Variants in MBNL2 observed in about 807,000 individuals in gnomAD.
MBNL2 encodes the protein muscleblind like splicing regulator 2.
MBNL2 carries 17 observed loss-of-function variants against 41.9 expected under a neutral mutation model. That is an observed-to-expected ratio of 0.41 (90% CI 0.28 to 0.61). The LOEUF (loss-of-function observed/expected upper bound fraction) is 0.61, where lower values mean the gene tolerates loss of function less well. Ranked by LOEUF, MBNL2 falls within the 20% of genes least tolerant of loss-of-function variation. The probability of loss-of-function intolerance (pLI) is 0.35; values close to 1 mark genes in which losing one functional copy is unlikely to be tolerated. For missense variants in MBNL2, 336 were observed against 505.6 expected (o/e 0.66, Z 3.22); for synonymous variants, 195 against 182.9 (o/e 1.07, Z -0.53).
chr13:97,347,722 G>C (rs2062017590), intron 5 of MBNL2, among the ~76,000 whole-genome samples: 1 of 152,132 alleles, frequency 6.6e-6, no homozygotes, highest in South Asian at 2.1e-4. Flanking sequence ...ACTGTCATTA[G>C]AGACCAGCAG....
intron 2 of MBNL2, among the ~76,000 whole-genome samples, chr13:97,301,702 C>G (rs1024273388): frequency 1.3e-5 from 2 of 152,208 alleles, no homozygotes; most frequent in Non-Finnish European, 2.9e-5. Context: ...AGAAACCCCA[C>G]AAGTCAGTCC....
At position 97,276,136 on chromosome 13, in the gene MBNL2, T is replaced by A. The variant is rs2052089704; in HGVS notation, c.-100T>A. On this transcript the variant is annotated 5_prime_UTR_variant, in exon 2 of 9. Transcript: ENST00000679496. Reference sequence around the variant, plus strand: ...AGCAATTTATCACTCACCTTCAGACTTACATGTGGGAGTTTTCACAACAGT... The same window carrying A: ...AGCAATTTATCACTCACCTTCAGACATACATGTGGGAGTTTTCACAACAGT... 7 of 886,244 alleles carry A rather than the reference T, an allele frequency of 7.9e-6. No individual in the cohort carries two copies. In the Admixed American group the frequency reaches 1.4e-4, roughly 18 times the overall value. 54.9% of individuals were successfully genotyped at this position (886,244 alleles called of 1,614,324 possible).
At chr13:97,274,867 C>A (rs555515574) in intron 1 of MBNL2, among the ~76,000 whole-genome samples, 1 of 152,286 alleles carries the variant, frequency 6.6e-6, no homozygotes, top group South Asian at 2.1e-4. Context: ...TACTACAGAG[C>A]GTTTTTAGAT....
chr13:97,263,903 G>A (rs2049168190), intron 1 of MBNL2, among the ~76,000 whole-genome samples: 1 of 151,088 alleles, frequency 6.6e-6, no homozygotes, highest in African/African-American at 2.4e-5. Context: ...CAGGTGTGAG[G>A]CACTGTGCCC....
chr13:97,252,240 A>AAATTGTTTT (rs1251662528), intron 1 of MBNL2, among the ~76,000 whole-genome samples: 1 of 152,214 alleles, frequency 6.6e-6, no homozygotes, highest in Non-Finnish European at 1.5e-5. Flanking sequence ...CCATAATAAC[A>AAATTGTTTT]AATTGTTTTA....
chr13:97,392,970 ATTTG>A lies in MBNL2; in HGVS notation c.*1526_*1529del, dbSNP rs1477630016. 3 of 152,456 alleles carry A rather than the reference ATTTG, an allele frequency of 2.0e-5. No individual in the cohort carries two copies. Among genetic ancestry groups the A allele is most frequent in the East Asian group, 1.9e-4 (1 of 5,200 alleles). The allele number at this position is 152,456 out of a possible 1,614,324, so 9.4% of individuals were successfully genotyped here. A position where few individuals can be genotyped will look rare whatever the true frequency, so the allele number is the denominator to read the frequency against. ...AACTAGATGCACCAACCGTATCATT[ATTTG>A]TTTGAGGAAAAAAAGAAATCTGCAT... On this transcript the variant is annotated 3_prime_UTR_variant, in exon 9 of 9. Transcript: ENST00000679496.
chr13:97,366,475 C>T lies in MBNL2; in HGVS notation c.1048+1304C>T, dbSNP rs779666328. On this transcript the variant is annotated intron_variant, in intron 8 of 8. Coordinates refer to ENST00000679496, the MANE Select transcript of MBNL2 (RefSeq NM_001382683.1). The surrounding 1 kb of genome is among the most constrained non-coding windows in gnomAD (Gnocchi z 4.7). ...TCCTGAAAGTACCCATGATGCACAG[C>T]GCTACGTCCGCCACTGTCTCTGCAG... is the stretch of plus-strand genomic sequence containing the variant. The T allele has an allele frequency of 2.9e-5, 46 of 1,602,718 alleles. No homozygotes were observed. Among genetic ancestry groups the T allele is most frequent in the Non-Finnish European group, 3.5e-5 (41 of 1,169,992 alleles).
intron 2 of MBNL2, among the ~76,000 whole-genome samples, chr13:97,327,014 C>T (rs1163386886): frequency 6.6e-6 from 1 of 152,146 alleles, no homozygotes; most frequent in Non-Finnish European, 1.5e-5. Flanking sequence ...TTATTGCTTC[C>T]CCACTTTCAA....
intron 8 of MBNL2, among the ~76,000 whole-genome samples, chr13:97,371,075 T>TTTAA (rs1747904370): frequency 6.6e-6 from 1 of 152,150 alleles, no homozygotes; most frequent in Non-Finnish European, 1.5e-5. Flanking sequence ...GAAAATAAAT[T>TTTAA]TTAATAAAAT....
intron 5 of MBNL2, among the ~76,000 whole-genome samples, chr13:97,351,303 T>A (rs1566435064): frequency 6.6e-6 from 1 of 152,144 alleles, no homozygotes. Flanking sequence ...ATAGGCAGAG[T>A]AGATTTAGCA....
At chr13:97,180,699 A>G in the MBNL2 span, among the ~76,000 whole-genome samples, 3 of 145,974 alleles carry the variant, frequency 2.1e-5, no homozygotes, top group African/African-American at 7.6e-5. Context: ...CCGAGATGGC[A>G]CCACTGCACT....
chr13:97,218,444 A>ACAAAACAAAACAAAAC (rs1555302255), upstream of MBNL2, among the ~76,000 whole-genome samples: 3 of 136,820 alleles, frequency 2.2e-5, no homozygotes, highest in African/African-American at 8.1e-5. Context: ...ACAAAACAAA[A>ACAAAACAAAACAAAAC]AAAAAAAACT....
At chr13:97,185,471 G>C in the MBNL2 span, among the ~76,000 whole-genome samples, 1 of 152,168 alleles carries the variant, frequency 6.6e-6, no homozygotes, top group East Asian at 1.9e-4. Flanking sequence ...GCTGCAGTTA[G>C]GAATCTTGAG....
At chr13:97,199,270 C>A in the MBNL2 span, among the ~76,000 whole-genome samples, 11 of 152,120 alleles carry the variant, frequency 7.2e-5, no homozygotes, top group African/African-American at 2.7e-4. Flanking sequence ...TTCTCCTAAC[C>A]ACCCTTTTGA....
intron 2 of MBNL2, among the ~76,000 whole-genome samples, chr13:97,320,177 T>G (rs2059384166): frequency 6.6e-6 from 1 of 152,090 alleles, no homozygotes; most frequent in Non-Finnish European, 1.5e-5. Context: ...CAACAGAAAT[T>G]TATATTCTTA....
intron 1 of MBNL2, among the ~76,000 whole-genome samples, chr13:97,248,766 T>C (rs1410285820): frequency 6.6e-6 from 1 of 152,186 alleles, no homozygotes; most frequent in African/African-American, 2.4e-5. Flanking sequence ...TGGGACAAAA[T>C]CCTAAATGTA....
chr13:97,313,143 T>C (rs1217609116), intron 2 of MBNL2, among the ~76,000 whole-genome samples: 3 of 152,174 alleles, frequency 2.0e-5, no homozygotes, highest in Non-Finnish European at 4.4e-5. Flanking sequence ...CTCAGGACCA[T>C]GAATTGGAAA....
At chr13:97,207,302 G>A in the MBNL2 span, among the ~76,000 whole-genome samples, 1 of 152,146 alleles carries the variant, frequency 6.6e-6, no homozygotes, top group South Asian at 2.1e-4. Context: ...TATATTAACA[G>A]GAGTGTATTA....
chr13:97,276,875 G>A (rs1422172535), intron 2 of MBNL2, among the ~76,000 whole-genome samples: 1 of 151,230 alleles, frequency 6.6e-6, no homozygotes, highest in Non-Finnish European at 1.5e-5. Context: ...AATGTGTCAT[G>A]GCTAACAGAA....
Sources: allele counts gnomAD v4.1 joint callset (sites outside exome capture counted in the v4.1 genomes callset), GRCh38; gene constraint gnomAD v4.1.1; non-coding constraint Gnocchi (gnomAD v3.1); transcripts MANE v1.5; gene names NCBI Gene and HGNC (gene_info 2026-07-23, HGNC 2026-07-21).